Variants in NAALADL2 observed in about 807,000 individuals in gnomAD.
The protein encoded by NAALADL2 is N-acetylated alpha-linked acidic dipeptidase like 2.
Under a neutral mutation model 87.2 loss-of-function variants are expected in NAALADL2, and 76 were observed. The observed-to-expected ratio is 0.87, with a 90% CI of 0.72 to 1.05. NAALADL2 has a LOEUF of 1.05. NAALADL2 is among the 50% of genes least tolerant of loss of function. The probability of loss-of-function intolerance (pLI) is 0.00; values close to 1 mark genes in which losing one functional copy is unlikely to be tolerated. For synonymous variants in NAALADL2, 354 were observed against 331.0 expected (o/e 1.07, Z -0.75); for missense variants, 1,089 against 945.8 (o/e 1.15, Z -1.99).
chr3:175,541,771 A>G (rs915791152), intron 9 of NAALADL2, among the ~76,000 whole-genome samples: 2 of 152,052 alleles, frequency 1.3e-5, no homozygotes, highest in Admixed American at 1.3e-4. Context: ...CACCCAGGCT[A>G]GAGTGCAGTG....
At chr3:174,555,974 CGTGT>C (rs66968495) in intron 2 of NAALADL2, among the ~76,000 whole-genome samples, 7,437 of 142,506 alleles carry the variant, frequency 0.052, 204 homozygotes, top group Non-Finnish European at 0.07. Flanking sequence ...CCTTATCCTC[CGTGT>C]GTGTGTGTGT....
chr3:175,753,220 C>G (rs1746829033), intron 12 of NAALADL2, among the ~76,000 whole-genome samples: 1 of 152,118 alleles, frequency 6.6e-6, no homozygotes, highest in African/African-American at 2.4e-5. Context: ...ATATTAGCCT[C>G]AAGCATTATT....
intron 2 of NAALADL2, among the ~76,000 whole-genome samples, chr3:174,659,309 G>A (rs1578453884): frequency 6.6e-6 from 1 of 152,234 alleles, no homozygotes; most frequent in South Asian, 2.1e-4. Flanking sequence ...GAAGCAAAGA[G>A]AAAAATAACT....
intron 3 of NAALADL2, among the ~76,000 whole-genome samples, chr3:174,849,865 A>G (rs1285251509): frequency 6.6e-6 from 1 of 151,794 alleles, no homozygotes; most frequent in Admixed American, 6.6e-5. Flanking sequence ...TTTCTTAAAA[A>G]TTGTTGTACC....
intron 6 of NAALADL2, among the ~76,000 whole-genome samples, chr3:175,448,660 A>G (rs765593790): frequency 4.6e-5 from 7 of 152,130 alleles, no homozygotes; most frequent in Non-Finnish European, 7.3e-5. Flanking sequence ...TGAGAATCAA[A>G]GTATGATATG....
intron 10 of NAALADL2, among the ~76,000 whole-genome samples, chr3:175,597,542 A>G (rs1722410109): frequency 1.3e-5 from 2 of 151,984 alleles, no homozygotes; most frequent in African/African-American, 4.8e-5. Context: ...GAGTCATGAT[A>G]CCTGCCTCAT....
chr3:175,298,417 A>T (rs1756641142), intron 4 of NAALADL2, among the ~76,000 whole-genome samples: 1 of 152,176 alleles, frequency 6.6e-6, no homozygotes, highest in Non-Finnish European at 1.5e-5. Context: ...CAGGAATCTG[A>T]TAAAAATCAA....
intron 9 of NAALADL2, among the ~76,000 whole-genome samples, chr3:175,570,552 G>A (rs1008534348): frequency 3.9e-5 from 6 of 152,038 alleles, no homozygotes; most frequent in Admixed American, 2.6e-4. Flanking sequence ...CTACAAAATT[G>A]AACTTACAAG....
chr3:175,336,350 A>T (rs1761968293), intron 5 of NAALADL2, among the ~76,000 whole-genome samples: 2 of 152,138 alleles, frequency 1.3e-5, no homozygotes, highest in African/African-American at 4.8e-5. Flanking sequence ...CTAACCACGG[A>T]GTCATTTTTG....
intron 5 of NAALADL2, among the ~76,000 whole-genome samples, chr3:175,373,299 T>C (rs1432574184): frequency 6.6e-6 from 1 of 152,174 alleles, no homozygotes; most frequent in African/African-American, 2.4e-5. Flanking sequence ...AAAATTTATC[T>C]TATGTTCCTT....
At chr3:174,689,657 T>A (rs909542290) in intron 2 of NAALADL2, among the ~76,000 whole-genome samples, 1 of 152,032 alleles carries the variant, frequency 6.6e-6, no homozygotes, top group African/African-American at 2.4e-5. Context: ...CTCTTGAGTG[T>A]TGGGAAATGG....
At chr3:174,820,566 T>C (rs1000339948) in intron 3 of NAALADL2, among the ~76,000 whole-genome samples, 3 of 152,082 alleles carry the variant, frequency 2.0e-5, no homozygotes, top group African/African-American at 7.2e-5. Context: ...ATCCTAAAAA[T>C]GTATATGGCA....
intron 2 of NAALADL2, among the ~76,000 whole-genome samples, chr3:174,674,349 A>C (rs1050075081): frequency 1.3e-5 from 2 of 151,994 alleles, no homozygotes; most frequent in African/African-American, 4.8e-5. Flanking sequence ...TTTAGTGGGG[A>C]TGCAGATCCA....
At chr3:175,681,068 G>A (rs550857513) in intron 11 of NAALADL2, among the ~76,000 whole-genome samples, 1 of 152,216 alleles carries the variant, frequency 6.6e-6, no homozygotes, top group Admixed American at 6.5e-5. Context: ...AGCCGAGATC[G>A]TGCCACTGCA....
intron 1 of NAALADL2, among the ~76,000 whole-genome samples, chr3:175,061,334 A>G (rs1433598718): frequency 6.6e-6 from 1 of 152,204 alleles, no homozygotes; most frequent in African/African-American, 2.4e-5. Context: ...CAGAATTATG[A>G]TCAGCTGGTT....
At chr3:175,034,278 TTG>T in intron 1 of NAALADL2, among the ~76,000 whole-genome samples, 1 of 152,174 alleles carries the variant, frequency 6.6e-6, no homozygotes, top group East Asian at 1.9e-4. Context: ...CAGCCTTTTA[TTG>T]TACAGCACAT....
chr3:175,327,771 A>T (rs1046368452), intron 5 of NAALADL2, among the ~76,000 whole-genome samples: 1 of 152,212 alleles, frequency 6.6e-6, no homozygotes, highest in East Asian at 1.9e-4. Context: ...TTTGTTATGT[A>T]GTTCCTTTTC....
At chr3:175,376,505 A>G (rs928177669) in intron 5 of NAALADL2, among the ~76,000 whole-genome samples, 1 of 151,782 alleles carries the variant, frequency 6.6e-6, no homozygotes, top group Non-Finnish European at 1.5e-5. Flanking sequence ...GTTTTCCTGT[A>G]TGTGGAAAGC....
At chr3:175,730,051 T>C (rs188895130) in intron 11 of NAALADL2, among the ~76,000 whole-genome samples, 5 of 152,156 alleles carry the variant, frequency 3.3e-5, no homozygotes, top group African/African-American at 7.2e-5. Context: ...AATTACATTA[T>C]AGACCCAGGG....
Sources: allele counts gnomAD v4.1 joint callset (sites outside exome capture counted in the v4.1 genomes callset), GRCh38; gene constraint gnomAD v4.1.1; transcripts MANE v1.5; gene names NCBI Gene and HGNC (gene_info 2026-07-23, HGNC 2026-07-21).